Variants in PLA2G2E observed in about 807,000 individuals in gnomAD.
PLA2G2E encodes phospholipase A2 group IIE.
PLA2G2E carries 14 observed loss-of-function variants against 16.5 expected under a neutral mutation model. The observed-to-expected ratio is 0.85, with a 90% CI of 0.56 to 1.33. The LOEUF is 1.33. Among genes scored for constraint, PLA2G2E ranks in the 40% most tolerant of loss-of-function variants. PLA2G2E has a pLI of 0.00. For synonymous variants in PLA2G2E, 72 were observed against 77.2 expected (o/e 0.93, Z 0.36); for missense variants, 174 against 190.7 (o/e 0.91, Z 0.52).
Position 19,920,337 on chromosome 1 carries a change from C to T in PLA2G2E, c.399G>A (p.Lys133=). Residue 133 remains lysine (K), a synonymous_variant, in exon 4 of 4, where the codon AAG becomes AAA. Transcript: ENST00000375116. The surrounding 1 kb of genome is among the most constrained non-coding windows in gnomAD (Gnocchi z 4.3). ...YNRKYAHYPN[K]LCTGPTPPC Reference sequence around the variant, plus strand: ...AGGGCGGGGTGGGCCCGGTGCACAGCTTGTTGGGATAATGGGCATATTTGC... The same window carrying T: ...AGGGCGGGGTGGGCCCGGTGCACAGTTTGTTGGGATAATGGGCATATTTGC... 2.5e-6 allele frequency: 4 copies of T among 1,613,192 alleles called. No homozygotes were observed. The highest frequency in any genetic ancestry group is 3.4e-6 in the Non-Finnish European group (4 of 1,179,800).
intron 1 of PLA2G2E, 39 bp from the exon 2 acceptor site, chr1:19,922,794 ACCCT>A (rs757336772): frequency 4.8e-5 from 73 of 1,523,098 alleles, no homozygotes; most frequent in Non-Finnish European, 6.2e-5. Context: ...GGAGGGCCCC[ACCCT>A]CTGCAGCCAA....
rs779545342 is a variant in PLA2G2E at position 19,920,297 on chromosome 1, G to A, written c.*10C>T. 1.5e-5 allele frequency: 24 copies of A among 1,609,540 alleles called. No homozygotes were observed. Among genetic ancestry groups the A allele is most frequent in the South Asian group, 4.4e-5 (4 of 90,762 alleles). ...GACCTCCAGGGACGGGGGGGAGGCC[G>A]AGCATAGCCTCAGCAGGGCGGGGTG... On this transcript the variant is annotated 3_prime_UTR_variant, in exon 4 of 4. Transcript: ENST00000375116. This position sits in a 1 kb window ranked among gnomAD's most constrained non-coding sequence, Gnocchi z 4.3.
In PLA2G2E at chr1:19,922,910, ATAAG is replaced by A. The variant is rs1226981100; in HGVS notation, c.41-159_41-156del. On this transcript the variant is annotated intron_variant, in intron 1 of 3. Coordinates refer to ENST00000375116, the MANE Select transcript of PLA2G2E (RefSeq NM_014589.3). ...CCCACTCTCAACAACAACCGTGGTA[ATAAG>A]TAATAATATTGCCAGTGACATCCGT... is the stretch of plus-strand genomic sequence containing the variant. Among the ~76,000 whole-genome samples, 5 of 152,224 alleles carry A rather than the reference ATAAG, an allele frequency of 3.3e-5. No homozygotes were observed. The East Asian group carries it at 9.7e-4, about 29-fold the overall frequency.
At position 19,920,330 on chromosome 1, in the gene PLA2G2E, T is replaced by C. The variant is rs774420800; in HGVS notation, c.406A>G (p.Thr136Ala). ...CCTCAGCAGGGCGGGGTGGGCCCGG[T>C]GCACAGCTTGTTGGGATAATGGGCA... ...KYAHYPNKLC[T>A]GPTPPC Residue 136 changes from threonine to alanine, a missense_variant, in exon 4 of 4, where the codon ACC (threonine) becomes GCC (alanine). Transcript: ENST00000375116. This position sits in a 1 kb window ranked among gnomAD's most constrained non-coding sequence, Gnocchi z 4.3. 1.2e-6 allele frequency: 2 copies of C among 1,612,870 alleles called. No homozygotes were observed. The highest frequency in any genetic ancestry group is 2.2e-5 in the South Asian group (2 of 91,012).
chr1:19,922,357 C>T lies in PLA2G2E; in HGVS notation c.227G>A (p.Gly76Asp). 6.2e-7 allele frequency: 1 copy of T among 1,614,090 alleles called. No homozygotes were observed. The highest frequency in any genetic ancestry group is 1.7e-4 in the Middle Eastern group (1 of 6,058). Reference sequence around the variant, plus strand: ...ATACTTTTCCAGTTTGGGCTCACAGCCCAGCTTCTCCAGACGCCCGTAGCA... The same window carrying T: ...ATACTTTTCCAGTTTGGGCTCACAGTCCAGCTTCTCCAGACGCCCGTAGCA... ...DCCYGRLEKL[G>D]CEPKLEKYLF... is the part of the protein sequence containing the mutation. The change falls in exon 3 of 4, where the codon GGC (glycine) becomes GAC (aspartate). Residue 76 changes from glycine (G) to aspartate (D), a missense_variant. By Grantham distance (94) the Gly-to-Asp change is moderately conservative. Transcript: ENST00000375116.
chr1:19,920,209 T>C lies in PLA2G2E; in HGVS notation c.*98A>G. On this transcript the variant is annotated 3_prime_UTR_variant, in exon 4 of 4. Transcript: ENST00000375116. This position sits in a 1 kb window ranked among gnomAD's most constrained non-coding sequence, Gnocchi z 4.3. Reference sequence around the variant, plus strand: ...GGATGAGTTTGCAGGAAAGGAATTTTCCAAAGGGAGGGCCTTTGGTGCCAA... The same window carrying C: ...GGATGAGTTTGCAGGAAAGGAATTTCCCAAAGGGAGGGCCTTTGGTGCCAA... 1 of 1,058,308 alleles carries C rather than the reference T, an allele frequency of 9.4e-7. No homozygotes were observed. Among genetic ancestry groups the C allele is most frequent in the Non-Finnish European group, 1.4e-6 (1 of 728,972 alleles). The allele number at this position is 1,058,308 out of a possible 1,614,324, so 65.6% of individuals were successfully genotyped here. A position where few individuals can be genotyped will look rare whatever the true frequency, so the allele number is the denominator to read the frequency against.
intron 1 of PLA2G2E, among the ~76,000 whole-genome samples, chr1:19,923,292 C>T (rs1399482577): frequency 2.0e-5 from 3 of 152,222 alleles, no homozygotes; most frequent in Admixed American, 6.5e-5. Context: ...GAAGCGCCAG[C>T]CCCTGGCCCA....
At chr1:19,922,550 A>G in intron 2 of PLA2G2E, 67 bp downstream of exon 2, 3 of 1,584,164 alleles carry the variant, frequency 1.9e-6, no homozygotes, top group South Asian at 1.1e-5. Flanking sequence ...TCCTTCTCCC[A>G]GGATCCTCCC....
At position 19,922,773 on chromosome 1, in the gene PLA2G2E, G is replaced by A. The variant is rs745839876; in HGVS notation, c.41-18C>T. ...CAGAGCCACTGCAGAGAGGGAGAGG[G>A]AGAGGGAGAGGGAGGGCCCCACCCT... On this transcript the variant is annotated intron_variant, in intron 1 of 3. Coordinates refer to ENST00000375116, the MANE Select transcript of PLA2G2E (RefSeq NM_014589.3). 45 of 1,612,736 alleles carry A rather than the reference G, an allele frequency of 2.8e-5. No individual in the cohort carries two copies. The highest frequency in any genetic ancestry group is 6.7e-5 in the Admixed American group (4 of 59,962).
In PLA2G2E at chr1:19,920,221, G is replaced by T; in HGVS notation, c.*86C>A. 2 of 1,166,452 alleles carry T rather than the reference G, an allele frequency of 1.7e-6. No individual in the cohort carries two copies. The highest frequency in any genetic ancestry group is 2.4e-6 in the Non-Finnish European group (2 of 816,920). 72.3% of individuals were successfully genotyped at this position (1,166,452 alleles called of 1,614,324 possible). On this transcript the variant is annotated 3_prime_UTR_variant, in exon 4 of 4. Coordinates refer to ENST00000375116, the MANE Select transcript of PLA2G2E (RefSeq NM_014589.3). This position sits in a 1 kb window ranked among gnomAD's most constrained non-coding sequence, Gnocchi z 4.3. Reference sequence around the variant, plus strand: ...AGGAAAGGAATTTTCCAAAGGGAGGGCCTTTGGTGCCAATGTTCCCCAGGC... The same window carrying T: ...AGGAAAGGAATTTTCCAAAGGGAGGTCCTTTGGTGCCAATGTTCCCCAGGC...
chr1:19,922,595 C>T (rs749808426), intron 2 of PLA2G2E, 22 bp downstream of exon 2: 1 of 1,613,226 alleles, frequency 6.2e-7, no homozygotes, highest in African/African-American at 1.3e-5. Flanking sequence ...CATGGAGGTC[C>T]CCCTGCAGGC....
At position 19,920,284 on chromosome 1, in the gene PLA2G2E, C is replaced by T. The variant is rs554233745; in HGVS notation, c.*23G>A. The T allele has an allele frequency of 1.5e-4, 246 of 1,600,394 alleles. 1 individual carries two copies. The African/African-American group carries it at 2.1e-3, about 14-fold the overall frequency. On this transcript the variant is annotated 3_prime_UTR_variant, in exon 4 of 4. Transcript: ENST00000375116. The surrounding 1 kb of genome is among the most constrained non-coding windows in gnomAD (Gnocchi z 4.3). ...CAGCCCGAGGCGGGACCTCCAGGGA[C>T]GGGGGGGAGGCCGAGCATAGCCTCA...
Position 19,920,560 on chromosome 1 carries a change from G to C in PLA2G2E, c.287-111C>G. On this transcript the variant is annotated intron_variant, in intron 3 of 3. Coordinates refer to ENST00000375116, the MANE Select transcript of PLA2G2E (RefSeq NM_014589.3). This position sits in a 1 kb window ranked among gnomAD's most constrained non-coding sequence, Gnocchi z 4.3. ...GACCTGGACCAACTCCATTCTGATG[G>C]AAGCCCAAGCTCCCGGGTTGTTTCA... The C allele has an allele frequency of 1.8e-6, 2 of 1,105,498 alleles. No individual in the cohort carries two copies. The highest frequency in any genetic ancestry group is 2.6e-6 in the Non-Finnish European group (2 of 774,280). The allele number at this position is 1,105,498 out of a possible 1,614,324, so 68.5% of individuals were successfully genotyped here.
Position 19,922,391 on chromosome 1 carries a change from G to A in PLA2G2E, c.193C>T (p.His65Tyr), listed in dbSNP as rs535636403. ...TCCAGACGCCCGTAGCAGCAGTCGT[G>A]GGCGTGGCAGCACCTGTAAGGGTCA... The part of the protein sequence containing the change: ...VDQTDWCCHA[H>Y]DCCYGRLEKL... The change falls in exon 3 of 4, where the codon CAC (histidine) becomes TAC (tyrosine). Residue 65 changes from histidine (H) to tyrosine (Y), a missense_variant. By Grantham distance (83) the His-to-Tyr change is moderately conservative. Transcript: ENST00000375116. 4.2e-5 allele frequency: 68 copies of A among 1,613,838 alleles called. No individual in the cohort carries two copies. The African/African-American group carries it at 8.0e-4, about 19-fold the overall frequency.
intron 1 of PLA2G2E, 31 bp from the exon 2 acceptor site, chr1:19,922,786 A>AGGGCCC (rs2045826934): frequency 6.2e-7 from 1 of 1,611,318 alleles, no homozygotes; most frequent in South Asian, 1.1e-5. Flanking sequence ...AGGGAGAGGG[A>AGGGCCC]GGGCCCCACC....
rs1399641544 is a variant in PLA2G2E, at chr1:19,920,891, C to T, written c.287-442G>A. 6.6e-6 allele frequency among the ~76,000 whole-genome samples: 1 copy of T among 152,220 alleles called. No individual in the cohort carries two copies. The highest frequency in any genetic ancestry group is 2.4e-5 in the African/African-American group (1 of 41,450). On this transcript the variant is annotated intron_variant, in intron 3 of 3. Coordinates refer to ENST00000375116, the MANE Select transcript of PLA2G2E (RefSeq NM_014589.3). This position sits in a 1 kb window ranked among gnomAD's most constrained non-coding sequence, Gnocchi z 4.3. ...GATGGCTATGTGTGCCCCAGAGTGG[C>T]GTGGGCCTAGGCTGGAAGCCACTGG...
rs771769821 is a variant in PLA2G2E at position 19,922,320 on chromosome 1, G to A, written c.264C>T (p.Val88=). The stretch of plus-strand genomic sequence containing the variant: ...TACCGCAGAAAATGCCACGTTCGCT[G>A]ACAGAGAAAAGATACTTTTCCAGTT... The part of the protein sequence containing the change: ...EPKLEKYLFS[V]SERGIFCAGR... Residue 88 remains valine, a synonymous_variant, in exon 3 of 4, where the codon GTC becomes GTT. Coordinates refer to ENST00000375116, the MANE Select transcript of PLA2G2E (RefSeq NM_014589.3). 1.9e-6 allele frequency: 3 copies of A among 1,613,742 alleles called. No individual in the cohort carries two copies. Among genetic ancestry groups the A allele is most frequent in the Admixed American group, 1.7e-5 (1 of 59,992 alleles).
In PLA2G2E at chr1:19,920,365, T is replaced by C. The variant is rs754564609; in HGVS notation, c.371A>G (p.Asn124Ser). ...GTTGGGATAATGGGCATATTTGCGG[T>C]TGTAGGTGCCCAGGTTGCGGCGAAA... is the stretch of plus-strand genomic sequence containing the variant. ...LCFRRNLGTY[N>S]RKYAHYPNKL... The change falls in exon 4 of 4, where the codon AAC (asparagine) becomes AGC (serine). Residue 124 changes from asparagine (N) to serine (S), a missense_variant. By Grantham distance (46) the Asn-to-Ser change is conservative. Coordinates refer to ENST00000375116, the MANE Select transcript of PLA2G2E (RefSeq NM_014589.3). The surrounding 1 kb of genome is among the most constrained non-coding windows in gnomAD (Gnocchi z 4.3). 7 of 1,613,638 alleles carry C rather than the reference T, an allele frequency of 4.3e-6. No homozygotes were observed. In the African/African-American group the frequency reaches 9.3e-5, roughly 22 times the overall value.
chr1:19,922,076 G>C (rs2045820767), intron 3 of PLA2G2E, among the ~76,000 whole-genome samples: 1 of 152,170 alleles, frequency 6.6e-6, no homozygotes, highest in Non-Finnish European at 1.5e-5. Flanking sequence ...GAGATACCTG[G>C]GGCTGAGGGC....
Sources: allele counts gnomAD v4.1 joint callset (sites outside exome capture counted in the v4.1 genomes callset), GRCh38; gene constraint gnomAD v4.1.1; non-coding constraint Gnocchi (gnomAD v3.1); transcripts MANE v1.5; gene names NCBI Gene and HGNC (gene_info 2026-07-23, HGNC 2026-07-21).